PCIF1: variants seen among roughly 807,000 people sequenced by gnomAD.
The protein encoded by PCIF1 is phosphorylated CTD interacting factor 1, also known as mRNA (2'-O-methyladenosine-N(6)-)-methyltransferase.
Under a neutral mutation model 86.9 loss-of-function variants are expected in PCIF1, and 12 were observed. The observed-to-expected ratio is 0.14, with a 90% CI of 0.09 to 0.22. The LOEUF (loss-of-function observed/expected upper bound fraction) is 0.22. Ranked by LOEUF, PCIF1 falls within the 10% of genes least tolerant of loss-of-function variation. PCIF1 has a pLI of 1.00. For missense variants in PCIF1, 701 were observed against 951.1 expected, an observed-to-expected ratio of 0.74 and a Z score of 3.46; for synonymous variants, 397 against 372.0, an observed-to-expected ratio of 1.07 and a Z score of -0.77.
rs1482229586 is a variant in PCIF1 at position 45,945,842 on chromosome 20, G to A, written c.1300G>A (p.Gly434Arg). 6.2e-7 allele frequency: 1 copy of A among 1,613,748 alleles called. No individual in the cohort carries two copies. Among genetic ancestry groups the A allele is most frequent in the East Asian group, 2.2e-5 (1 of 44,898 alleles). Reference sequence around the variant, plus strand: ...CAACGTGGTCTGCATCCGGTATAAGGGAGAGATGGTCAAGGTCAGCCGCAA... The same window carrying A: ...CAACGTGGTCTGCATCCGGTATAAGAGAGAGATGGTCAAGGTCAGCCGCAA... ...ENNVVCIRYK[G>R]EMVKVSRNYF... Residue 434 changes from glycine to arginine, a missense_variant, in exon 12 of 17, where the codon GGA becomes AGA. Transcript: ENST00000372409.
At chr20:45,938,644 GAC>G (rs2083445045) in intron 2 of PCIF1, among the ~76,000 whole-genome samples, 1 of 152,172 alleles carries the variant, frequency 6.6e-6, no homozygotes, top group African/African-American at 2.4e-5. Context: ...TGAGTGCTAC[GAC>G]AGAGGTGTTC....
rs1021951866 is a variant in PCIF1 at position 45,938,296 on chromosome 20, C to T, written c.-19-685C>T. Among the ~76,000 whole-genome samples, 34 of 152,182 alleles carry T rather than the reference C, an allele frequency of 2.2e-4. 1 individual carries two copies. The highest frequency in any genetic ancestry group is 7.7e-4 in the African/African-American group (32 of 41,418). ...TTATTTTAGCAATAGCTGCTTCCTG[C>T]CATGTAGTGTAAAATAAGGTGACCA... On this transcript the variant is annotated intron_variant, in intron 2 of 16. Transcript: ENST00000372409.
At chr20:45,942,382 T>C (rs2083479918) in intron 7 of PCIF1, among the ~76,000 whole-genome samples, 1 of 150,606 alleles carries the variant, frequency 6.6e-6, no homozygotes, top group Non-Finnish European at 1.5e-5. Flanking sequence ...TGGCACGGTC[T>C]CGGCTCACTG....
Position 45,943,905 on chromosome 20 carries a change from C to A in PCIF1, c.1005+140C>A, listed in dbSNP as rs749721935. Reference sequence around the variant, plus strand: ...TGCAGTATGGCAGACGTTCGACATTCGTCAGTCCCCAAACTCATGACTGTG... The same window carrying A: ...TGCAGTATGGCAGACGTTCGACATTAGTCAGTCCCCAAACTCATGACTGTG... On this transcript the variant is annotated intron_variant, in intron 10 of 16. Transcript: ENST00000372409. This position sits in a 1 kb window ranked among gnomAD's most constrained non-coding sequence, Gnocchi z 5.5. 1 of 625,220 alleles carries A rather than the reference C, an allele frequency of 1.6e-6. No homozygotes were observed. The highest frequency in any genetic ancestry group is 4.3e-4 in the Middle Eastern group (1 of 2,314). 38.7% of individuals were successfully genotyped at this position (625,220 alleles called of 1,614,324 possible). A position where few individuals can be genotyped will look rare whatever the true frequency, so the allele number is the denominator to read the frequency against.
rs1184896855 is a variant in PCIF1, at chr20:45,947,827, A to G, written c.*72A>G. 3.9e-6 allele frequency: 6 copies of G among 1,534,824 alleles called. No homozygotes were observed. The East Asian group carries it at 1.5e-4, about 37-fold the overall frequency. On this transcript the variant is annotated 3_prime_UTR_variant, in exon 17 of 17. Coordinates refer to ENST00000372409, the MANE Select transcript of PCIF1 (RefSeq NM_022104.4). This position sits in a 1 kb window ranked among gnomAD's most constrained non-coding sequence, Gnocchi z 5.4. ...CTGGGACTCGGGCCCCTGGGGCCTC[A>G]GAGGGACCCCGGCTGCCACTGACAT...
At chr20:45,934,898 C>T (rs2083403216) in intron 1 of PCIF1, 94 bp downstream of exon 1, 6 of 397,366 alleles carry the variant, frequency 1.5e-5, no homozygotes, top group East Asian at 1.1e-4. Flanking sequence ...GCGCTTTCTG[C>T]TCGGGACTGC....
At position 45,946,057 on chromosome 20, in the gene PCIF1, A is replaced by C. The variant is rs772557766; in HGVS notation, c.1370A>C (p.Asp457Ala). The C allele has an allele frequency of 3.7e-6, 6 of 1,614,096 alleles. No individual in the cohort carries two copies. Among genetic ancestry groups the C allele is most frequent in the Non-Finnish European group, 5.1e-6 (6 of 1,180,002 alleles). ...LWLLYRYSCIDDSAFERFLPR... is the reference protein window; with the variant it reads ...LWLLYRYSCIADSAFERFLPR... The stretch of plus-strand genomic sequence containing the variant: ...CTCCTTTACCGCTACAGCTGCATTG[A>C]TGACTCTGCCTTTGAGAGGTTCCTG... Residue 457 changes from aspartate to alanine, a missense_variant, in exon 13 of 17, where the codon GAT becomes GCT. Around this residue, in one of 7 missense-constraint regions of PCIF1, gnomAD observed 121 missense variants for 131.7 expected, o/e 0.92. Coordinates refer to ENST00000372409, the MANE Select transcript of PCIF1 (RefSeq NM_022104.4).
At position 45,943,863 on chromosome 20, in the gene PCIF1, C is replaced by G; in HGVS notation, c.1005+98C>G. On this transcript the variant is annotated intron_variant, in intron 10 of 16. Transcript: ENST00000372409. This position sits in a 1 kb window ranked among gnomAD's most constrained non-coding sequence, Gnocchi z 5.5. ...CTGTCCAGGCTGGGCAAGGCCTCCC[C>G]CAGCGGCCTATTCTTGTGCAGTATG... The G allele has an allele frequency of 1.1e-6, 1 of 948,534 alleles. No homozygotes were observed. Among genetic ancestry groups the G allele is most frequent in the Non-Finnish European group, 1.6e-6 (1 of 618,678 alleles). The allele number at this position is 948,534 out of a possible 1,614,324, so 58.8% of individuals were successfully genotyped here. A position where few individuals can be genotyped will look rare whatever the true frequency, so the allele number is the denominator to read the frequency against.
chr20:45,943,583 T>C lies in PCIF1; in HGVS notation c.906-83T>C. The C allele has an allele frequency of 7.1e-7, 1 of 1,406,678 alleles. No homozygotes were observed. Among genetic ancestry groups the C allele is most frequent in the South Asian group, 1.2e-5 (1 of 80,206 alleles). The allele number at this position is 1,406,678 out of a possible 1,614,324, so 87.1% of individuals were successfully genotyped here. A position where few individuals can be genotyped will look rare whatever the true frequency, so the allele number is the denominator to read the frequency against. ...AAGGGCTGTGATGGAAGCTAGGGGT[T>C]GATACCCAGCGAGCCCATGGAATTG... On this transcript the variant is annotated intron_variant, in intron 9 of 16. Transcript: ENST00000372409. The surrounding 1 kb of genome is among the most constrained non-coding windows in gnomAD (Gnocchi z 5.5).
intron 2 of PCIF1, among the ~76,000 whole-genome samples, chr20:45,938,696 G>T (rs6032597): frequency 0.1 from 15,329 of 152,192 alleles, 965 homozygotes; most frequent in East Asian, 0.33. Context: ...GGCCTGGGGA[G>T]GGGAGAGTCA....
chr20:45,940,609 C>G lies in PCIF1; in HGVS notation c.384C>G (p.Pro128=). Residue 128 remains proline (P), a synonymous_variant, in exon 5 of 17, where the codon CCC becomes CCG. Coordinates refer to ENST00000372409, the MANE Select transcript of PCIF1 (RefSeq NM_022104.4). The part of the protein sequence containing the change: ...EQPSGNGVKK[P]KIEIPVTPTG... ...CAAGCGGCAATGGTGTGAAGAAGCC[C>G]AAGGTGAGTGTCTGTGGCCAGGAGC... 1 of 1,611,090 alleles carries G rather than the reference C, an allele frequency of 6.2e-7. No individual in the cohort carries two copies. Among genetic ancestry groups the G allele is most frequent in the Non-Finnish European group, 8.5e-7 (1 of 1,178,404 alleles).
Position 45,947,956 on chromosome 20 carries a change from A to G in PCIF1, c.*201A>G, listed in dbSNP as rs930941896. On this transcript the variant is annotated 3_prime_UTR_variant, in exon 17 of 17. Transcript: ENST00000372409. This position sits in a 1 kb window ranked among gnomAD's most constrained non-coding sequence, Gnocchi z 5.4. ...GTATATAGGTCCTGATGCCTTCCCA[A>G]CCCCGCCCCTCACCCTGTTGCCACC... The G allele has an allele frequency of 4.6e-6, 7 of 1,531,136 alleles. 1 individual carries two copies. Among genetic ancestry groups the G allele is most frequent in the African/African-American group, 4.1e-5 (3 of 72,638 alleles). 94.8% of individuals were successfully genotyped at this position (1,531,136 alleles called of 1,614,324 possible).
intron 1 of PCIF1, among the ~76,000 whole-genome samples, chr20:45,935,152 G>T (rs2083409333): frequency 6.7e-6 from 1 of 149,036 alleles, no homozygotes; most frequent in Non-Finnish European, 1.5e-5. Context: ...GCGCGCGCGC[G>T]CCAAACAGCC....
Position 45,947,756 on chromosome 20 carries a change from C to T in PCIF1, c.*1C>T, listed in dbSNP as rs1406873353. 3 of 1,596,504 alleles carry T rather than the reference C, an allele frequency of 1.9e-6. No homozygotes were observed. The highest frequency in any genetic ancestry group is 2.2e-5 in the East Asian group (1 of 44,644). On this transcript the variant is annotated 3_prime_UTR_variant, in exon 17 of 17. Coordinates refer to ENST00000372409, the MANE Select transcript of PCIF1 (RefSeq NM_022104.4). The surrounding 1 kb of genome is among the most constrained non-coding windows in gnomAD (Gnocchi z 5.4). ...TAGCCGCGAGCCTCACCCCACTTAA[C>T]ATATCCTGCGGGGAGGAGGAGCCCC...
chr20:45,935,493 C>T (rs901936334), intron 1 of PCIF1, among the ~76,000 whole-genome samples: 3 of 152,136 alleles, frequency 2.0e-5, no homozygotes, highest in African/African-American at 7.2e-5. Flanking sequence ...GCAGTTATGT[C>T]TTACTGGGAG....
In PCIF1 at chr20:45,939,078, C is replaced by G. The variant is rs1171308250; in HGVS notation, c.79C>G (p.Gln27Glu). 1 of 1,613,992 alleles carries G rather than the reference C, an allele frequency of 6.2e-7. No individual in the cohort carries two copies. Among genetic ancestry groups the G allele is most frequent in the African/African-American group, 1.3e-5 (1 of 74,904 alleles). The change falls in exon 3 of 17, where the codon CAG becomes GAG. Residue 27 changes from glutamine to glutamate, a missense_variant. By Grantham distance (29) the Gln-to-Glu change is conservative. Coordinates refer to ENST00000372409, the MANE Select transcript of PCIF1 (RefSeq NM_022104.4). Reference protein sequence around the residue: ...SHSPGTSNQSQPCSPKPIRLV... With the variant: ...SHSPGTSNQSEPCSPKPIRLV... ...CTCCCCAGGTACCTCCAATCAGAGC[C>G]AGCCCTGTTCTCCAAAGCCAATCCG...
intron 7 of PCIF1, among the ~76,000 whole-genome samples, chr20:45,942,307 T>TA (rs1310478319): frequency 1.6e-5 from 2 of 128,258 alleles, no homozygotes; most frequent in Non-Finnish European, 3.2e-5. Flanking sequence ...CATTATGTAA[T>TA]ACTTTTTTTT....
chr20:45,935,869 T>G (rs1337689329), intron 1 of PCIF1, among the ~76,000 whole-genome samples: 3 of 152,060 alleles, frequency 2.0e-5, no homozygotes, highest in African/African-American at 7.3e-5. Flanking sequence ...GATGCACAGC[T>G]GGCTTTGGAA....
chr20:45,940,682 A>G, intron 5 of PCIF1, 70 bp downstream of exon 5: 2 of 1,577,180 alleles, frequency 1.3e-6, no homozygotes, highest in Non-Finnish European at 1.7e-6. Context: ...GGCTCCCTGC[A>G]GGGGCTGGGC....
Sources: gnomAD v4.1 joint callset for allele counts (sites outside exome capture counted in the v4.1 genomes callset) on GRCh38, gnomAD v4.1.1 for gene constraint, gnomAD v4.1.1 regional missense constraint, Gnocchi (gnomAD v3.1) non-coding constraint, MANE v1.5 for transcripts, NCBI Gene and HGNC (gene_info 2026-07-23, HGNC 2026-07-21) for gene names.